The following HSPH1 variants were observed in gnomAD, a reference collection of about 807,000 sequenced individuals.
The protein encoded by HSPH1 is heat shock protein 105 kDa.
Under a neutral mutation model 100.0 loss-of-function variants are expected in HSPH1, and 40 were observed. The ratio of observed to expected loss-of-function variants is 0.40; its 90% CI spans 0.31 to 0.52. The LOEUF is 0.52. Among genes scored for constraint, HSPH1 ranks in the 20% least tolerant of loss-of-function variants. The pLI is 0.54. For missense variants in HSPH1, 876 were observed against 1,015.1 expected (o/e 0.86, Z 1.86); for synonymous variants, 403 against 344.0 (o/e 1.17, Z -1.90).
At position 31,161,782 on chromosome 13, in the gene HSPH1, C is replaced by T. The variant is rs1422952454; in HGVS notation, c.-200G>A. 1 of 1,499,336 alleles carries T rather than the reference C, an allele frequency of 6.7e-7. No individual in the cohort carries two copies. Among genetic ancestry groups the T allele is most frequent in the African/African-American group, 1.4e-5 (1 of 71,788 alleles). 92.9% of individuals were successfully genotyped at this position (1,499,336 alleles called of 1,614,324 possible). A position where few individuals can be genotyped will look rare whatever the true frequency, so the allele number is the denominator to read the frequency against. ...CCTACTCCCCCGGGGACAGCGGCGG[C>T]TGGCTGATAAGAAACCCTGGGAGAA... is the stretch of plus-strand genomic sequence containing the variant. On this transcript the variant is annotated 5_prime_UTR_variant, in exon 1 of 18. Transcript: ENST00000320027.
rs886501763 is a variant in HSPH1, at chr13:31,135,230, T to C, written c.*2088A>G. The C allele has an allele frequency of 6.6e-6, 1 of 152,192 alleles. No homozygotes were observed. The highest frequency in any genetic ancestry group is 1.5e-5 in the Non-Finnish European group (1 of 68,036). The allele number at this position is 152,192 out of a possible 1,614,324, so 9.4% of individuals were successfully genotyped here. A position where few individuals can be genotyped will look rare whatever the true frequency, so the allele number is the denominator to read the frequency against. On this transcript the variant is annotated 3_prime_UTR_variant, in exon 18 of 18. Coordinates refer to ENST00000320027, the MANE Select transcript of HSPH1 (RefSeq NM_006644.4). ...TTAGGCCAGACTGACTGATGCTCCCTCCCGTCATCAGGTTCTATTTTAGGA... is the reference window on the plus strand; with the variant it reads ...TTAGGCCAGACTGACTGATGCTCCCCCCCGTCATCAGGTTCTATTTTAGGA...
In HSPH1 at chr13:31,136,750, G is replaced by C. The variant is rs532785751; in HGVS notation, c.*568C>G. 1 of 172,186 alleles carries C rather than the reference G, an allele frequency of 5.8e-6. No individual in the cohort carries two copies. Among genetic ancestry groups the C allele is most frequent in the African/African-American group, 2.4e-5 (1 of 41,668 alleles). 10.7% of individuals were successfully genotyped at this position (172,186 alleles called of 1,614,324 possible). A position where few individuals can be genotyped will look rare whatever the true frequency, so the allele number is the denominator to read the frequency against. On this transcript the variant is annotated 3_prime_UTR_variant, in exon 18 of 18. Coordinates refer to ENST00000320027, the MANE Select transcript of HSPH1 (RefSeq NM_006644.4). ...CATGACAATATACTGTATAGTGAGA[G>C]AGAAAGTTTAAAGTTTTTGTTCTGC... is the stretch of plus-strand genomic sequence containing the variant.
chr13:31,150,874 C>G, intron 7 of HSPH1, 73 bp downstream of exon 7: 1 of 1,436,920 alleles, frequency 7.0e-7, no homozygotes, highest in South Asian at 1.3e-5. Context: ...TCACAACACC[C>G]ACTAGAACTG....
chr13:31,137,116 A>C lies in HSPH1; in HGVS notation c.*202T>G. 1 of 727,912 alleles carries C rather than the reference A, an allele frequency of 1.4e-6. No homozygotes were observed. The highest frequency in any genetic ancestry group is 2.6e-6 in the Non-Finnish European group (1 of 388,800). 45.1% of individuals were successfully genotyped at this position (727,912 alleles called of 1,614,324 possible). A position where few individuals can be genotyped will look rare whatever the true frequency, so the allele number is the denominator to read the frequency against. On this transcript the variant is annotated 3_prime_UTR_variant, in exon 18 of 18. Coordinates refer to ENST00000320027, the MANE Select transcript of HSPH1 (RefSeq NM_006644.4). ...AGTATGAATTCACAATTCCACAGGA[A>C]TCTGAAAGTTACCAAGGCAATTTTC... is the stretch of plus-strand genomic sequence containing the variant.
chr13:31,148,707 C>T (rs1422133984), intron 8 of HSPH1, among the ~76,000 whole-genome samples: 4 of 151,794 alleles, frequency 2.6e-5, no homozygotes, highest in East Asian at 3.9e-4. Context: ...CTTAGGATAA[C>T]GACAATTAAT....
intron 2 of HSPH1, among the ~76,000 whole-genome samples, chr13:31,156,861 G>A (rs1048821434): frequency 7.2e-5 from 11 of 152,166 alleles, no homozygotes; most frequent in African/African-American, 2.7e-4. Context: ...TGTTGTAAAA[G>A]ATGGTGTTTT....
Position 31,137,314 on chromosome 13 carries a change from T to G in HSPH1, c.*4A>C, listed in dbSNP as rs369287951. 4.8e-5 allele frequency: 76 copies of G among 1,577,728 alleles called. No individual in the cohort carries two copies. The African/African-American group carries it at 8.8e-4, about 18-fold the overall frequency. On this transcript the variant is annotated 3_prime_UTR_variant, in exon 18 of 18. Transcript: ENST00000320027. ...ATTGAAGGAATAGGCCAATTTAAGGTTATCTAGTCCAAGTCCATATTAACA... is the reference window on the plus strand; with the variant it reads ...ATTGAAGGAATAGGCCAATTTAAGGGTATCTAGTCCAAGTCCATATTAACA...
intron 12 of HSPH1, among the ~76,000 whole-genome samples, chr13:31,142,379 T>G (rs1327287080): frequency 6.6e-6 from 1 of 152,074 alleles, no homozygotes; most frequent in Non-Finnish European, 1.5e-5. Flanking sequence ...TCACTACGGA[T>G]GAGCTAGGCA....
chr13:31,158,742 T>C (rs1460576945), intron 2 of HSPH1, 64 bp downstream of exon 2: 1 of 1,030,296 alleles, frequency 9.7e-7, no homozygotes. Context: ...TATATGTCTC[T>C]TGAGATTTTC....
chr13:31,161,920 A>T (rs527963644), upstream of HSPH1: 1,205 of 1,516,508 alleles, frequency 7.9e-4, 6 homozygotes, highest in South Asian at 6.9e-3. Context: ...GGGAGGTCCC[A>T]CTTCCTCAGC....
intron 3 of HSPH1, among the ~76,000 whole-genome samples, chr13:31,155,177 G>C (rs1183268939): frequency 6.6e-6 from 1 of 152,134 alleles, no homozygotes; most frequent in Non-Finnish European, 1.5e-5. Context: ...CTACACTATT[G>C]CTCTCCAAAC....
At chr13:31,152,759 G>T in intron 5 of HSPH1, 93 bp downstream of exon 5, 1 of 848,348 alleles carries the variant, frequency 1.2e-6, no homozygotes, top group Non-Finnish European at 2.0e-6. Flanking sequence ...TTTTTAACAG[G>T]CTGTGTTTCT....
intron 2 of HSPH1, among the ~76,000 whole-genome samples, chr13:31,158,548 CAAAAAAAAAAAAAA>C (rs11363658): frequency 1.6e-5 from 1 of 63,834 alleles, no homozygotes; most frequent in Non-Finnish European, 2.8e-5. Flanking sequence ...GACTCTATCT[CAAAAAAAAAAAAAA>C]AAAAAAAAAA....
intron 1 of HSPH1, among the ~76,000 whole-genome samples, chr13:31,159,338 C>T (rs1956813664): frequency 6.6e-6 from 1 of 152,096 alleles, no homozygotes; most frequent in South Asian, 2.1e-4. Flanking sequence ...AGCAAATGAA[C>T]CCAAGTTACA....
intron 14 of HSPH1, among the ~76,000 whole-genome samples, chr13:31,139,523 C>A (rs1430929439): frequency 1.3e-5 from 2 of 152,012 alleles, no homozygotes; most frequent in African/African-American, 2.4e-5. Flanking sequence ...TCGGTCATCT[C>A]AACTTTAGAG....
intron 1 of HSPH1, among the ~76,000 whole-genome samples, chr13:31,161,226 C>T (rs771567056): frequency 6.6e-6 from 1 of 152,184 alleles, no homozygotes; most frequent in African/African-American, 2.4e-5. Context: ...GGTGACGACC[C>T]TTAGAGTCTC....
intron 12 of HSPH1, among the ~76,000 whole-genome samples, chr13:31,143,538 G>A (rs1593186610): frequency 6.6e-6 from 1 of 152,076 alleles, no homozygotes; most frequent in Admixed American, 6.6e-5. Context: ...GTATACATTA[G>A]TCTCTTGTTA....
At chr13:31,147,161 C>T (rs1956292544) in intron 10 of HSPH1, among the ~76,000 whole-genome samples, 1 of 152,126 alleles carries the variant, frequency 6.6e-6, no homozygotes, top group Admixed American at 6.5e-5. Flanking sequence ...ATCTTCCACA[C>T]AGTAACGAGT....
At chr13:31,151,294 G>T (rs976933870) in intron 6 of HSPH1, 103 bp from the exon 7 acceptor site, 2 of 940,932 alleles carry the variant, frequency 2.1e-6, no homozygotes, top group Non-Finnish European at 3.1e-6. Flanking sequence ...AGAGACTCAA[G>T]ACTATATTTA....
Sources: gnomAD v4.1 joint callset for allele counts (sites outside exome capture counted in the v4.1 genomes callset) on GRCh38, gnomAD v4.1.1 for gene constraint, MANE v1.5 for transcripts, NCBI Gene and HGNC (gene_info 2026-07-23, HGNC 2026-07-21) for gene names.